The following CLCN1 variants were observed in gnomAD, a reference collection of about 807,000 sequenced individuals.
CLCN1 encodes the protein chloride channel protein 1.
CLCN1 carries 100 observed loss-of-function variants against 114.5 expected under a neutral mutation model. The ratio of observed to expected loss-of-function variants is 0.87; its 90% CI spans 0.74 to 1.03. The LOEUF is 1.03. CLCN1 is among the 50% of genes least tolerant of loss of function. CLCN1 has a pLI of 0.00. For synonymous variants in CLCN1, 485 were observed against 487.1 expected (o/e 1.00, Z 0.06); for missense variants, 1,188 against 1,250.0 (o/e 0.95, Z 0.75).
At chr7:143,348,485 T>C (rs774320105) in intron 20 of CLCN1, among the ~76,000 whole-genome samples, 46 of 152,214 alleles carry the variant, frequency 3.0e-4, no homozygotes, top group Non-Finnish European at 3.7e-4. Flanking sequence ...CTATCATTTC[T>C]AGCTTATGTC....
At chr7:143,349,573 T>A (rs564507025) in intron 20 of CLCN1, among the ~76,000 whole-genome samples, 1 of 152,336 alleles carries the variant, frequency 6.6e-6, no homozygotes, top group South Asian at 2.1e-4. Flanking sequence ...GTATCTAAAG[T>A]CAAGAGGATG....
In CLCN1 at chr7:143,342,531, C is replaced by T. The variant is rs1427591212; in HGVS notation, c.1930+26C>T. The T allele has an allele frequency of 1.9e-6, 3 of 1,613,384 alleles. No homozygotes were observed. The South Asian group carries it at 3.3e-5, about 18-fold the overall frequency. On this transcript the variant is annotated intron_variant, in intron 16 of 22. Coordinates refer to ENST00000343257, the MANE Select transcript of CLCN1 (RefSeq NM_000083.3). ...GTCAGTGGGGAGGAAGAAGTCGACT[C>T]CAGAGCTAGTGACCTGAATAAGGGT...
Position 143,337,807 on chromosome 7 carries a change from C to CTTTTTTTTT in CLCN1, c.1402-1417_1402-1409dup, listed in dbSNP as rs869078445. ...CTTTTTTCCATTCTATTTCTCAATT[C>CTTTTTTTTT]TTTTTTTTTTTTTTTTTTTTTTTTT... On this transcript the variant is annotated intron_variant, in intron 12 of 22. Transcript: ENST00000343257. Among the ~76,000 whole-genome samples the CTTTTTTTTT allele has an allele frequency of 1.1e-4, 5 of 46,046 alleles. 1 individual carries two copies. The highest frequency in any genetic ancestry group is 1.6e-4 in the Non-Finnish European group (4 of 24,862). The allele number at this position is 46,046 out of a possible 152,430, so 30.2% of individuals were successfully genotyped here.
intron 12 of CLCN1, among the ~76,000 whole-genome samples, chr7:143,336,625 AGAAGAAGAAG>A (rs1802906479): frequency 7.5e-6 from 1 of 132,950 alleles, no homozygotes. Context: ...AAAAAAAAAA[AGAAGAAGAAG>A]AAAAAAAAAG....
chr7:143,323,898 G>A, intron 6 of CLCN1: 1 of 469,770 alleles, frequency 2.1e-6, no homozygotes, highest in South Asian at 1.5e-5. Flanking sequence ...CCTGTCGGAG[G>A]CAAGTTGCAC....
chr7:143,346,150 C>A lies in CLCN1; in HGVS notation c.2183C>A (p.Ser728Tyr). The A allele has an allele frequency of 6.2e-7, 1 of 1,606,970 alleles. No homozygotes were observed. The highest frequency in any genetic ancestry group is 2.2e-5 in the East Asian group (1 of 44,824). Residue 728 changes from serine to tyrosine, a missense_variant, in exon 18 of 23, where the codon TCC becomes TAC. Ser to Tyr is a moderately radical substitution (Grantham distance 144, BLOSUM62 -2). Transcript: ENST00000343257. The part of the protein sequence containing the change: ...DLSGKSELPP[S>Y]LALHPSTTAP... ...TACTCTTCCTTACAGCTTCCTCCTTCCCTTGCTCTCCACCCCTCTACTACT... is the reference window on the plus strand; with the variant it reads ...TACTCTTCCTTACAGCTTCCTCCTTACCTTGCTCTCCACCCCTCTACTACT...
At chr7:143,342,256 A>G in intron 15 of CLCN1, 114 bp downstream of exon 15, 1 of 1,475,430 alleles carries the variant, frequency 6.8e-7, no homozygotes, top group Non-Finnish European at 9.4e-7. Flanking sequence ...TTATTATTAT[A>G]TTCTCATGCA....
At chr7:143,328,072 A>G (rs565891377) in intron 7 of CLCN1, among the ~76,000 whole-genome samples, 49 of 152,308 alleles carry the variant, frequency 3.2e-4, no homozygotes, top group South Asian at 8.3e-4. Flanking sequence ...GGTATATGGG[A>G]AGTGAAACAG....
intron 12 of CLCN1, 25 bp downstream of exon 12, chr7:143,332,898 C>A: frequency 6.2e-7 from 1 of 1,612,880 alleles, no homozygotes; most frequent in Non-Finnish European, 8.5e-7. Context: ...ACTAGCAACA[C>A]CCTAAACCTC....
chr7:143,334,851 G>A (rs981777564), intron 12 of CLCN1, among the ~76,000 whole-genome samples: 1 of 152,064 alleles, frequency 6.6e-6, no homozygotes, highest in African/African-American at 2.4e-5. Context: ...TTTTTATCAT[G>A]AAAGAAGTTT....
At position 143,321,752 on chromosome 7, in the gene CLCN1, G is replaced by A; in HGVS notation, c.600G>A (p.Gly200=). 1.2e-6 allele frequency: 2 copies of A among 1,614,220 alleles called. No homozygotes were observed. The highest frequency in any genetic ancestry group is 1.3e-5 in the African/African-American group (1 of 75,070). ...GIPEMKTILR[G]VVLKEYLTMK... ...CCGAAATGAAGACAATACTTCGTGGGGTTGTCCTGAAGGAATACCTCACAA... is the reference window on the plus strand; with the variant it reads ...CCGAAATGAAGACAATACTTCGTGGAGTTGTCCTGAAGGAATACCTCACAA... Residue 200 remains glycine, a synonymous_variant, in exon 5 of 23, where the codon GGG becomes GGA. Coordinates refer to ENST00000343257, the MANE Select transcript of CLCN1 (RefSeq NM_000083.3). This position sits in a 1 kb window ranked among gnomAD's most constrained non-coding sequence, Gnocchi z 4.2.
intron 3 of CLCN1, 107 bp downstream of exon 3, chr7:143,320,902 G>C: frequency 7.5e-7 from 1 of 1,335,626 alleles, no homozygotes; most frequent in African/African-American, 1.4e-5. Context: ...GTTATGGGAA[G>C]CGAATATTGC....
Position 143,347,086 on chromosome 7 carries a change from T to TAAGG in CLCN1, c.2403+139_2403+142dup. On this transcript the variant is annotated intron_variant, in intron 20 of 22. Coordinates refer to ENST00000343257, the MANE Select transcript of CLCN1 (RefSeq NM_000083.3). ...GGGAAGTGTTTTGAGAGGATGGAAATAAGGATGATTATGGAGAGAGTAATG... is the reference window on the plus strand; with the variant it reads ...GGGAAGTGTTTTGAGAGGATGGAAATAAGGAAGGATGATTATGGAGAGAGTAATG... 3.7e-6 allele frequency: 3 copies of TAAGG among 812,236 alleles called. No individual in the cohort carries two copies. In the South Asian group the frequency reaches 4.1e-5, roughly 11 times the overall value. 50.3% of individuals were successfully genotyped at this position (812,236 alleles called of 1,614,324 possible). A position where few individuals can be genotyped will look rare whatever the true frequency, so the allele number is the denominator to read the frequency against.
At chr7:143,323,561 G>A (rs1392855780) in intron 6 of CLCN1, 175 bp downstream of exon 6, 1 of 706,996 alleles carries the variant, frequency 1.4e-6, no homozygotes, top group Non-Finnish European at 2.6e-6. Context: ...GCCACGTGAT[G>A]CCTCTGTTTA....
rs11761544 is a variant in CLCN1, at chr7:143,317,398, G to A, written c.180+1006G>A. Among the ~76,000 whole-genome samples, 1,214 of 151,926 alleles carry A rather than the reference G, an allele frequency of 8.0e-3. 5 individuals are homozygous for A. The highest frequency in any genetic ancestry group is 0.013 in the Non-Finnish European group (892 of 67,956). On this transcript the variant is annotated intron_variant, in intron 1 of 22. Coordinates refer to ENST00000343257, the MANE Select transcript of CLCN1 (RefSeq NM_000083.3). ...TGAGTAGCTGGGATTACAAGCACCT[G>A]CCACCATACCTGGCAAATTTTTGTA...
intron 6 of CLCN1, 87 bp downstream of exon 6, chr7:143,323,473 C>T: frequency 2.2e-6 from 2 of 930,086 alleles, no homozygotes; most frequent in Non-Finnish European, 3.6e-6. Flanking sequence ...GCTGCCTCTG[C>T]TCTGGGCTGG....
chr7:143,320,723 C>T lies in CLCN1; in HGVS notation c.361C>T (p.Leu121=). The T allele has an allele frequency of 6.2e-7, 1 of 1,613,524 alleles. No individual in the cohort carries two copies. Among genetic ancestry groups the T allele is most frequent in the Non-Finnish European group, 8.5e-7 (1 of 1,179,512 alleles). Reference sequence around the variant, plus strand: ...AAAATTAGGGGAAGACGGGATCTTTCTGGTGCTTCTGGGACTGCTGATGGC... The same window carrying T: ...AAAATTAGGGGAAGACGGGATCTTTTTGGTGCTTCTGGGACTGCTGATGGC... The part of the protein sequence containing the change: ...RRKLGEDGIF[L]VLLGLLMALV... Residue 121 remains leucine, a synonymous_variant, in exon 3 of 23, where the codon CTG becomes TTG. Coordinates refer to ENST00000343257, the MANE Select transcript of CLCN1 (RefSeq NM_000083.3).
chr7:143,338,621 A>G (rs1255140622), intron 12 of CLCN1, among the ~76,000 whole-genome samples: 1 of 152,026 alleles, frequency 6.6e-6, no homozygotes, highest in East Asian at 1.9e-4. Flanking sequence ...CCCCGTCTCT[A>G]CTAAAAATAC....
intron 1 of CLCN1, 103 bp downstream of exon 1, chr7:143,316,495 C>A: frequency 1.8e-6 from 2 of 1,093,136 alleles, no homozygotes; most frequent in East Asian, 2.4e-5. Context: ...AGCAGTGTTA[C>A]ATTTTTTTAA....
Sources: allele counts gnomAD v4.1 joint callset (sites outside exome capture counted in the v4.1 genomes callset), GRCh38; gene constraint gnomAD v4.1.1; non-coding constraint Gnocchi (gnomAD v3.1); transcripts MANE v1.5; gene names NCBI Gene and HGNC (gene_info 2026-07-23, HGNC 2026-07-21).